Variants in ABCA12 observed in about 807,000 individuals in gnomAD.
ABCA12 encodes ATP binding cassette subfamily A member 12.
Under a neutral mutation model 293.5 loss-of-function variants are expected in ABCA12, and 156 were observed. The observed-to-expected ratio is 0.53, with a 90% CI of 0.47 to 0.61. The LOEUF (loss-of-function observed/expected upper bound fraction) is 0.61, where lower values mean the gene tolerates loss of function less well. Ranked by LOEUF, ABCA12 falls within the 20% of genes least tolerant of loss-of-function variation. The pLI is 0.00. For missense variants in ABCA12, 2,797 were observed against 3,090.2 expected (o/e 0.91, Z 2.25); for synonymous variants, 1,063 against 1,108.0 (o/e 0.96, Z 0.81).
At chr2:215,063,338 A>T (rs1701573437) in intron 3 of ABCA12, among the ~76,000 whole-genome samples, 1 of 152,018 alleles carries the variant, frequency 6.6e-6, no homozygotes, top group Non-Finnish European at 1.5e-5. Context: ...TTCTTGAGAG[A>T]TACTCAAAAA....
At chr2:215,037,573 G>A (rs143894799) in intron 7 of ABCA12, among the ~76,000 whole-genome samples, 1 of 152,202 alleles carries the variant, frequency 6.6e-6, no homozygotes, top group East Asian at 1.9e-4. Flanking sequence ...CCTAATTAAA[G>A]ACTATATTCT....
chr2:214,979,087 A>G (rs911073208), intron 31 of ABCA12, 47 bp from the exon 32 acceptor site: 1 of 1,534,350 alleles, frequency 6.5e-7, no homozygotes, highest in Non-Finnish European at 9.0e-7. Flanking sequence ...TCTTTACACT[A>G]TAGTGCTCCA....
chr2:214,956,475 C>T (rs1011146243), intron 42 of ABCA12, among the ~76,000 whole-genome samples, 188 bp downstream of exon 42: 3 of 139,286 alleles, frequency 2.2e-5, no homozygotes, highest in Non-Finnish European at 4.9e-5. Context: ...TTAATAACAA[C>T]ATTAATTTTC....
At chr2:214,999,427 A>ATT (rs1466429967) in intron 22 of ABCA12, among the ~76,000 whole-genome samples, 55 of 152,344 alleles carry the variant, frequency 3.6e-4, no homozygotes, top group Non-Finnish European at 2.1e-4. Context: ...TCATCTGGAA[A>ATT]GTATGGACAA....
rs868377099 is a variant in ABCA12, at chr2:215,112,666, T to A, written c.70-976A>T. Among the ~76,000 whole-genome samples the A allele has an allele frequency of 4.6e-5, 7 of 151,798 alleles. No homozygotes were observed. The Middle Eastern group carries it at 0.02, about 443-fold the overall frequency. On this transcript the variant is annotated intron_variant, in intron 1 of 52. Transcript: ENST00000272895. Reference sequence around the variant, plus strand: ...GCACCCGCCACCACGCCTGGCTAATTTTTGTATTTTTAGTAGAGATGAGGT... The same window carrying A: ...GCACCCGCCACCACGCCTGGCTAATATTTGTATTTTTAGTAGAGATGAGGT...
intron 1 of ABCA12, among the ~76,000 whole-genome samples, chr2:215,115,440 T>G (rs560031266): frequency 6.6e-6 from 1 of 152,182 alleles, no homozygotes; most frequent in Non-Finnish European, 1.5e-5. Flanking sequence ...AGGCCATGAC[T>G]TTTTTCTGTT....
intron 49 of ABCA12, among the ~76,000 whole-genome samples, chr2:214,943,233 G>A (rs1393643003): frequency 6.6e-6 from 1 of 152,056 alleles, no homozygotes; most frequent in Non-Finnish European, 1.5e-5. Context: ...GACCTCCTTT[G>A]CTCTAGTAAT....
chr2:215,103,267 C>CTTTTTTTTT, intron 2 of ABCA12, among the ~76,000 whole-genome samples: 1 of 122,402 alleles, frequency 8.2e-6, no homozygotes. Flanking sequence ...AAATTTCTTT[C>CTTTTTTTTT]TTTTTTTTTT....
At chr2:214,940,645 A>G (rs551933805) in intron 50 of ABCA12, among the ~76,000 whole-genome samples, 5 of 152,210 alleles carry the variant, frequency 3.3e-5, no homozygotes, top group African/African-American at 9.6e-5. Context: ...TCAATATCAG[A>G]ACTTGTTATT....
At chr2:215,103,267 C>CTTTTTTTT (rs72000528) in intron 2 of ABCA12, among the ~76,000 whole-genome samples, 2 of 122,402 alleles carry the variant, frequency 1.6e-5, no homozygotes, top group Non-Finnish European at 3.3e-5. Context: ...AAATTTCTTT[C>CTTTTTTTT]TTTTTTTTTT....
intron 13 of ABCA12, 34 bp downstream of exon 13, chr2:215,019,302 T>C: frequency 6.4e-7 from 1 of 1,562,968 alleles, no homozygotes; most frequent in Non-Finnish European, 8.8e-7. Flanking sequence ...TGCATTCTAA[T>C]AAGACAAGAT....
chr2:214,989,187 CATATATATATATAT>C (rs71399168), intron 26 of ABCA12, 128 bp downstream of exon 26: 3 of 28,146 alleles, frequency 1.1e-4, no homozygotes, highest in East Asian at 1.3e-3. Flanking sequence ...TCAATACATA[CATATATATATATAT>C]ATATATATAA....
chr2:214,942,381 T>C (rs566900416), intron 50 of ABCA12, among the ~76,000 whole-genome samples: 1 of 152,320 alleles, frequency 6.6e-6, no homozygotes, highest in Admixed American at 6.5e-5. Context: ...AACATGGATA[T>C]GTATAAATGC....
At chr2:215,134,476 GTA>G (rs1212641583) in intron 1 of ABCA12, among the ~76,000 whole-genome samples, 1 of 118,072 alleles carries the variant, frequency 8.5e-6, no homozygotes, top group Non-Finnish European at 1.7e-5. Context: ...ATGTGTATGT[GTA>G]TATATACGTA....
chr2:215,064,964 A>G (rs561025243), intron 2 of ABCA12, among the ~76,000 whole-genome samples: 2 of 152,000 alleles, frequency 1.3e-5, no homozygotes, highest in Non-Finnish European at 2.9e-5. Flanking sequence ...ATTATCCTAT[A>G]TACACAACTT....
chr2:215,103,967 A>G (rs957346673), intron 2 of ABCA12, among the ~76,000 whole-genome samples: 1 of 151,730 alleles, frequency 6.6e-6, no homozygotes, highest in Admixed American at 6.5e-5. Flanking sequence ...AGCCTGGGCA[A>G]CAGGGACAGA....
At chr2:215,087,525 T>C (rs1412535377) in intron 2 of ABCA12, among the ~76,000 whole-genome samples, 2 of 151,206 alleles carry the variant, frequency 1.3e-5, no homozygotes, top group African/African-American at 2.4e-5. Context: ...TGTGTGTGTT[T>C]TGTGGTGGGG....
intron 37 of ABCA12, 118 bp from the exon 38 acceptor site, chr2:214,968,925 T>C: frequency 3.9e-6 from 3 of 766,552 alleles, no homozygotes; most frequent in East Asian, 2.5e-5. Flanking sequence ...ATTTACAGTA[T>C]AAAATGAATA....
At chr2:215,066,711 T>A (rs1701646205) in intron 2 of ABCA12, among the ~76,000 whole-genome samples, 1 of 152,142 alleles carries the variant, frequency 6.6e-6, no homozygotes, top group South Asian at 2.1e-4. Flanking sequence ...ATTTTTAACA[T>A]GTTACATGGG....
Sources: gnomAD v4.1 joint callset for allele counts (sites outside exome capture counted in the v4.1 genomes callset) on GRCh38, gnomAD v4.1.1 for gene constraint, MANE v1.5 for transcripts, NCBI Gene and HGNC (gene_info 2026-07-23, HGNC 2026-07-21) for gene names.